EXT2: variants seen among roughly 807,000 people sequenced by gnomAD.
EXT2 encodes exostosin glycosyltransferase 2, also known as exostosin-2.
EXT2 carries 53 observed loss-of-function variants against 81.6 expected under a neutral mutation model. That is an observed-to-expected ratio of 0.65 (90% CI 0.52 to 0.82). EXT2 has a LOEUF of 0.82. Among genes scored for constraint, EXT2 ranks in the 40% least tolerant of loss-of-function variants. EXT2 has a pLI of 0.00. For missense variants in EXT2, 774 were observed against 910.2 expected, an observed-to-expected ratio of 0.85 and a Z score of 1.93; for synonymous variants, 320 against 340.0, an observed-to-expected ratio of 0.94 and a Z score of 0.65.
At chr11:44,211,807 A>ATGGAT (rs1212999108) in intron 10 of EXT2, among the ~76,000 whole-genome samples, 1 of 152,210 alleles carries the variant, frequency 6.6e-6, no homozygotes, top group African/African-American at 2.4e-5. Context: ...ATGCAAGGTG[A>ATGGAT]TGGATTAGTC....
At chr11:44,198,706 T>C (rs903345266) in intron 9 of EXT2, among the ~76,000 whole-genome samples, 1 of 152,226 alleles carries the variant, frequency 6.6e-6, no homozygotes, top group African/African-American at 2.4e-5. Flanking sequence ...TATAGCCTAT[T>C]AAAGCCAGGA....
intron 10 of EXT2, among the ~76,000 whole-genome samples, chr11:44,211,416 T>C (rs1197175953): frequency 6.6e-6 from 1 of 152,174 alleles, no homozygotes; most frequent in East Asian, 1.9e-4. Context: ...GAAAATGTGA[T>C]GCATATGCAC....
chr11:44,214,929 G>A (rs56380226), intron 10 of EXT2, among the ~76,000 whole-genome samples: 3,326 of 150,038 alleles, frequency 0.022, 69 homozygotes, highest in Middle Eastern at 0.062. Context: ...ATTTTTTGGC[G>A]GGGGGTGGGG....
intron 10 of EXT2, among the ~76,000 whole-genome samples, chr11:44,211,865 A>C (rs572462868): frequency 6.6e-6 from 1 of 152,338 alleles, no homozygotes; most frequent in Non-Finnish European, 1.5e-5. Context: ...ATCACATTGT[A>C]CCCCACAAAT....
intron 8 of EXT2, among the ~76,000 whole-genome samples, chr11:44,182,224 T>C (rs1316418871): frequency 6.6e-6 from 1 of 152,120 alleles, no homozygotes; most frequent in Non-Finnish European, 1.5e-5. Context: ...TCATTTTTTC[T>C]AGAATATAAA....
chr11:44,162,342 G>A (rs574084032), intron 7 of EXT2, among the ~76,000 whole-genome samples: 11 of 152,222 alleles, frequency 7.2e-5, no homozygotes, highest in South Asian at 4.1e-4. Context: ...TTGGGGGGCC[G>A]AGGCAGGCAG....
chr11:44,143,764 A>G (rs774870727), intron 7 of EXT2, among the ~76,000 whole-genome samples: 1 of 152,196 alleles, frequency 6.6e-6, no homozygotes, highest in Non-Finnish European at 1.5e-5. Flanking sequence ...TCATTTTTCC[A>G]GGAATGTGTA....
intron 7 of EXT2, among the ~76,000 whole-genome samples, chr11:44,135,267 T>C (rs919257174): frequency 2.6e-5 from 4 of 152,226 alleles, no homozygotes; most frequent in African/African-American, 4.8e-5. Flanking sequence ...ATTTGAATTA[T>C]TTGGTTTCCA....
At position 44,211,569 on chromosome 11, in the gene EXT2, AG is replaced by A. The variant is rs555884211; in HGVS notation, c.1662+4611del. ...TATCTCACTAAATGTAGAATCTAAA[AG>A]TCTGATCTCATAGAAGTAGAGAGTA... is the stretch of plus-strand genomic sequence containing the variant. On this transcript the variant is annotated intron_variant, in intron 10 of 13. Transcript: ENST00000533608. Among the ~76,000 whole-genome samples, 257 of 152,328 alleles carry A rather than the reference AG, an allele frequency of 1.7e-3. 3 individuals are homozygous for A. The highest frequency in any genetic ancestry group is 5.9e-3 in the African/African-American group (247 of 41,580).
chr11:44,126,803 T>C lies in EXT2; in HGVS notation c.940-13T>C, dbSNP rs1471169443. The C allele has an allele frequency of 6.2e-7, 1 of 1,614,168 alleles. No individual in the cohort carries two copies. ...ACTAGTTTGTAATCTCTTGCCTCTT[T>C]GTGTTCCTGCAGGAGGCTACTTTCT... On this transcript the variant is annotated splice_polypyrimidine_tract_variant and intron_variant, in intron 5 of 13. Coordinates refer to ENST00000533608, the MANE Select transcript of EXT2 (RefSeq NM_207122.2).
chr11:44,215,638 T>C (rs969950092), intron 10 of EXT2, among the ~76,000 whole-genome samples: 1 of 152,244 alleles, frequency 6.6e-6, no homozygotes, highest in African/African-American at 2.4e-5. Context: ...ATAATCAAAA[T>C]ATCCCCTTGC....
chr11:44,121,052 A>G (rs1241398074), intron 4 of EXT2, among the ~76,000 whole-genome samples: 1 of 152,228 alleles, frequency 6.6e-6, no homozygotes, highest in Non-Finnish European at 1.5e-5. Flanking sequence ...CCAGCATGCA[A>G]GCAAGGGACA....
intron 7 of EXT2, among the ~76,000 whole-genome samples, chr11:44,131,106 G>A (rs568221972): frequency 1.0e-3 from 158 of 152,352 alleles, no homozygotes; most frequent in African/African-American, 3.4e-3. Context: ...GCTCTGCAGT[G>A]TGACTCAGGT....
intron 10 of EXT2, among the ~76,000 whole-genome samples, chr11:44,214,039 A>G (rs1955684143): frequency 6.6e-6 from 1 of 152,192 alleles, no homozygotes; most frequent in Non-Finnish European, 1.5e-5. Flanking sequence ...AAAGGAGAAA[A>G]TATGCATAGG....
chr11:44,116,068 G>A (rs527795156), intron 4 of EXT2: 15 of 151,976 alleles, frequency 9.9e-5, no homozygotes, highest in African/African-American at 3.6e-4. Context: ...ATAATTTAAC[G>A]GTTTTTAGTA....
At position 44,206,938 on chromosome 11, in the gene EXT2, C is replaced by T. The variant is rs75987184; in HGVS notation, c.1641C>T (p.Asp547=). 7.1e-4 allele frequency: 1,141 copies of T among 1,614,058 alleles called. 10 individuals carry two copies. The East Asian group carries it at 0.016, about 23-fold the overall frequency. Residue 547 remains aspartate, a synonymous_variant, in exon 10 of 14, where the codon GAC becomes GAT. Coordinates refer to ENST00000533608, the MANE Select transcript of EXT2 (RefSeq NM_207122.2). ...IDDDIIMLTS[D]ELQFGYEVWR... ...ATGATATCATTATGCTGACCTCTGA[C>T]GAGCTGCAATTTGGTTATGAGGTAA...
intron 7 of EXT2, among the ~76,000 whole-genome samples, chr11:44,163,295 A>G (rs1248058090): frequency 6.6e-6 from 1 of 152,244 alleles, no homozygotes; most frequent in Non-Finnish European, 1.5e-5. Context: ...ATTCTAAACT[A>G]AAAGTAAGGA....
chr11:44,147,173 T>C (rs554882604), intron 7 of EXT2, among the ~76,000 whole-genome samples: 22 of 152,296 alleles, frequency 1.4e-4, no homozygotes, highest in African/African-American at 5.3e-4. Context: ...ATCAGCCAGG[T>C]TGATGGAGTG....
intron 8 of EXT2, among the ~76,000 whole-genome samples, chr11:44,197,568 G>A (rs942449174): frequency 1.3e-5 from 2 of 152,070 alleles, no homozygotes; most frequent in African/African-American, 4.8e-5. Flanking sequence ...GGAGATAAAC[G>A]CATGCTTTAA....
Sources: allele counts gnomAD v4.1 joint callset (sites outside exome capture counted in the v4.1 genomes callset), GRCh38; gene constraint gnomAD v4.1.1; transcripts MANE v1.5; gene names NCBI Gene and HGNC (gene_info 2026-07-23, HGNC 2026-07-21).